ZNF578: variants seen among roughly 807,000 people sequenced by gnomAD.
ZNF578 encodes the protein Putative chemokine-related protein B42.
In ZNF578, 8 loss-of-function variants were observed where a neutral mutation model predicts 8.3. The ratio of observed to expected loss-of-function variants is 0.96; its 90% CI spans 0.56 to 1.74. ZNF578 has a LOEUF of 1.74. ZNF578 is among the 40% of genes most tolerant of loss of function. The probability of loss-of-function intolerance (pLI) is 0.00; values close to 1 mark genes in which losing one functional copy is unlikely to be tolerated. For missense variants in ZNF578, 726 were observed against 707.5 expected (o/e 1.03, Z -0.30); for synonymous variants, 206 against 232.2 (o/e 0.89, Z 1.03).
intron 4 of ZNF578, among the ~76,000 whole-genome samples, chr19:52,503,466 C>T (rs1463549273): frequency 6.6e-6 from 1 of 152,166 alleles, no homozygotes; most frequent in Non-Finnish European, 1.5e-5. Context: ...TTGCCTCAAC[C>T]TCTGGAGTAT....
rs2059313118 is a variant in ZNF578 at position 52,477,869 on chromosome 19, A to T, written c.-121-13455A>T. The stretch of plus-strand genomic sequence containing the variant: ...ATCTGACACTTGACTGCCTCTTGAG[A>T]TCCTGCAAGAAATTGTGCATAAGGT... On this transcript the variant is annotated intron_variant, in intron 2 of 5. Coordinates refer to ENST00000421239, the MANE Select transcript of ZNF578 (RefSeq NM_001099694.2). 4.6e-5 allele frequency among the ~76,000 whole-genome samples: 7 copies of T among 152,184 alleles called. No individual in the cohort carries two copies. The South Asian group carries it at 1.4e-3, about 32-fold the overall frequency.
intron 5 of ZNF578, 107 bp from the exon 6 acceptor site, chr19:52,510,465 T>G (rs2059440437): frequency 7.3e-7 from 1 of 1,365,968 alleles, no homozygotes; most frequent in Non-Finnish European, 9.6e-7. Flanking sequence ...GAAGATCATG[T>G]TTGGGAAGTT....
intron 5 of ZNF578, among the ~76,000 whole-genome samples, chr19:52,509,644 G>A (rs2059437461): frequency 6.6e-6 from 1 of 152,086 alleles, no homozygotes; most frequent in African/African-American, 2.4e-5. Flanking sequence ...GTGTGTGCCT[G>A]TAATCCCAGG....
In ZNF578 at chr19:52,511,290, A is replaced by G. The variant is rs369924572; in HGVS notation, c.909A>G (p.Thr303=). Residue 303 remains threonine (T), a synonymous_variant, in exon 6 of 6, where the codon ACA becomes ACG. Transcript: ENST00000421239. ...CCTTCAGTTACAAGTCATCCCTGACATGCCATCGTAGATGTCACACTGGTG... is the reference window on the plus strand; with the variant it reads ...CCTTCAGTTACAAGTCATCCCTGACGTGCCATCGTAGATGTCACACTGGTG... ...GKSFSYKSSL[T]CHRRCHTGEK... is the part of the protein sequence containing the mutation. The G allele has an allele frequency of 8.7e-6, 14 of 1,614,138 alleles. No individual in the cohort carries two copies. The highest frequency in any genetic ancestry group is 1.2e-5 in the Non-Finnish European group (14 of 1,180,016).
intron 3 of ZNF578, among the ~76,000 whole-genome samples, chr19:52,499,628 A>G (rs1285426959): frequency 6.6e-6 from 1 of 152,114 alleles, no homozygotes; most frequent in East Asian, 1.9e-4. Flanking sequence ...GTAATTTATA[A>G]TACATAGAGA....
Position 52,512,135 on chromosome 19 carries a change from A to G in ZNF578, c.1754A>G (p.Lys585Arg). 1 of 1,613,646 alleles carries G rather than the reference A, an allele frequency of 6.2e-7. No individual in the cohort carries two copies. Among genetic ancestry groups the G allele is most frequent in the South Asian group, 1.1e-5 (1 of 91,050 alleles). ...AATCACTTGATTGATTCATCAATCA[A>G]GCCTTGCATGTCATCATAGACTTCA... ...AHNHLIDSSI[K>R]PCMSS Residue 585 changes from lysine (K) to arginine (R), a missense_variant, in exon 6 of 6, where the codon AAG becomes AGG. Transcript: ENST00000421239.
At position 52,511,525 on chromosome 19, in the gene ZNF578, C is replaced by T; in HGVS notation, c.1144C>T (p.Gln382Ter). 1 of 1,613,590 alleles carries T rather than the reference C, an allele frequency of 6.2e-7. No individual in the cohort carries two copies. The highest frequency in any genetic ancestry group is 8.5e-7 in the Non-Finnish European group (1 of 1,179,714). The change falls in exon 6 of 6, where the codon CAA becomes TAA. Residue 382 changes from glutamine to a stop codon, truncating the protein, a stop_gained. Coordinates refer to ENST00000421239, the MANE Select transcript of ZNF578 (RefSeq NM_001099694.2). LOFTEE classifies it low-confidence loss of function (END_TRUNC). ...TAATGAGTGTGGCAAGATGTTTGGT[C>T]AAAATTCAACCCTTGTAATTCATAA... ...KCNECGKMFG[Q>*]NSTLVIHKAI...
chr19:52,493,939 G>A (rs192246526), intron 3 of ZNF578, among the ~76,000 whole-genome samples: 1,539 of 148,680 alleles, frequency 0.01, 10 homozygotes, highest in Non-Finnish European at 0.016. Context: ...GTGGTGAGCC[G>A]AGATCTCACC....
intron 2 of ZNF578, among the ~76,000 whole-genome samples, chr19:52,485,411 C>T (rs758806735): frequency 2.6e-5 from 4 of 152,188 alleles, no homozygotes; most frequent in Non-Finnish European, 4.4e-5. Flanking sequence ...GGAACCCACC[C>T]TCAGTAATAC....
chr19:52,493,741 A>G (rs1162637898), intron 3 of ZNF578, among the ~76,000 whole-genome samples: 2 of 152,268 alleles, frequency 1.3e-5, no homozygotes, highest in East Asian at 3.9e-4. Flanking sequence ...CTGTAATCCC[A>G]GCAGTTTTGG....
chr19:52,512,516 G>A lies in ZNF578; in HGVS notation c.*362G>A, dbSNP rs1429722070. 1.3e-5 allele frequency among the ~76,000 whole-genome samples: 2 copies of A among 152,288 alleles called. No individual in the cohort carries two copies. Among genetic ancestry groups the A allele is most frequent in the East Asian group, 3.9e-4 (2 of 5,182 alleles). Reference sequence around the variant, plus strand: ...CATACTGGAGAGAAACCTTACAAATGTCATGACTGTGGCAAGGTCTTCAGT... The same window carrying A: ...CATACTGGAGAGAAACCTTACAAATATCATGACTGTGGCAAGGTCTTCAGT... On this transcript the variant is annotated 3_prime_UTR_variant, in exon 6 of 6. Coordinates refer to ENST00000421239, the MANE Select transcript of ZNF578 (RefSeq NM_001099694.2).
At chr19:52,499,942 C>A (rs546963619) in intron 3 of ZNF578, among the ~76,000 whole-genome samples, 2 of 152,248 alleles carry the variant, frequency 1.3e-5, no homozygotes, top group East Asian at 1.9e-4. Context: ...GCCCTCCTCT[C>A]TTCCACTGTT....
rs1254482982 is a variant in ZNF578, at chr19:52,515,610, G to A, written c.*3456G>A. On this transcript the variant is annotated 3_prime_UTR_variant, in exon 6 of 6. Transcript: ENST00000421239. ...GGGTAACTTGGTGAAAATGTCTTCC[G>A]ATCTGAGCCCCAGTGAGCCTCCCTG... 6.6e-5 allele frequency among the ~76,000 whole-genome samples: 10 copies of A among 151,986 alleles called. No homozygotes were observed. Among genetic ancestry groups the A allele is most frequent in the African/African-American group, 9.7e-5 (4 of 41,392 alleles).
chr19:52,512,588 A>T lies in ZNF578; in HGVS notation c.*434A>T, dbSNP rs1184547812. ...CATAGGAGAATTCATGCAGGAGAGAAATGTCACAAGTGTGATGAGTGTTGC... is the reference window on the plus strand; with the variant it reads ...CATAGGAGAATTCATGCAGGAGAGATATGTCACAAGTGTGATGAGTGTTGC... On this transcript the variant is annotated 3_prime_UTR_variant, in exon 6 of 6. Coordinates refer to ENST00000421239, the MANE Select transcript of ZNF578 (RefSeq NM_001099694.2). Among the ~76,000 whole-genome samples the T allele has an allele frequency of 1.3e-5, 2 of 152,124 alleles. No homozygotes were observed. The highest frequency in any genetic ancestry group is 2.9e-5 in the Non-Finnish European group (2 of 68,018).
At chr19:52,462,138 C>T (rs1231216496) in intron 2 of ZNF578, among the ~76,000 whole-genome samples, 1 of 152,196 alleles carries the variant, frequency 6.6e-6, no homozygotes, top group Non-Finnish European at 1.5e-5. Context: ...AATCCTTTGA[C>T]CATTGTTGAG....
chr19:52,502,096 A>G (rs2059410061), intron 4 of ZNF578, among the ~76,000 whole-genome samples, 188 bp downstream of exon 4: 1 of 152,042 alleles, frequency 6.6e-6, no homozygotes, highest in Non-Finnish European at 1.5e-5. Context: ...AAAGAATTCC[A>G]TCTCCTGTGA....
chr19:52,506,583 A>T (rs1054757248), intron 5 of ZNF578, among the ~76,000 whole-genome samples: 2 of 149,300 alleles, frequency 1.3e-5, no homozygotes, highest in African/African-American at 4.9e-5. Flanking sequence ...CTCCTACCTC[A>T]GCCTTCTGAG....
At position 52,460,121 on chromosome 19, in the gene ZNF578, C is replaced by T. The variant is rs1289903447; in HGVS notation, c.-122+3163C>T. Among the ~76,000 whole-genome samples the T allele has an allele frequency of 5.3e-5, 8 of 151,664 alleles. No homozygotes were observed. In the East Asian group the frequency reaches 1.2e-3, roughly 22 times the overall value. ...GTATATACACACACAAATATATATA[C>T]GTGTGTGTATGTATATAGATGTATA... On this transcript the variant is annotated intron_variant, in intron 2 of 5. Coordinates refer to ENST00000421239, the MANE Select transcript of ZNF578 (RefSeq NM_001099694.2).
chr19:52,494,554 A>G (rs2059379013), intron 3 of ZNF578, among the ~76,000 whole-genome samples: 2 of 152,186 alleles, frequency 1.3e-5, no homozygotes, highest in Non-Finnish European at 2.9e-5. Context: ...TTCATTGGAT[A>G]TGATTAGTTG....
Sources: allele counts gnomAD v4.1 joint callset (sites outside exome capture counted in the v4.1 genomes callset), GRCh38; gene constraint gnomAD v4.1.1; transcripts MANE v1.5; gene names NCBI Gene and HGNC (gene_info 2026-07-23, HGNC 2026-07-21).